INO80: variants seen among roughly 807,000 people sequenced by gnomAD.
The protein encoded by INO80 is chromatin-remodeling ATPase INO80.
A neutral mutation model predicts 203.4 loss-of-function variants in INO80; 20 were observed. That is an observed-to-expected ratio of 0.10 (90% CI 0.07 to 0.14). The LOEUF (loss-of-function observed/expected upper bound fraction) is 0.14, where lower values mean the gene tolerates loss of function less well. Among genes scored for constraint, INO80 ranks in the 10% least tolerant of loss-of-function variants. The pLI, the probability that INO80 is intolerant of heterozygous loss-of-function variation, is 1.00. For missense variants in INO80, 1,419 were observed against 1,914.4 expected (o/e 0.74, Z 4.83); for synonymous variants, 726 against 685.2 (o/e 1.06, Z -0.93).
chr15:41,091,014 T>A (rs1228416276), intron 5 of INO80, among the ~76,000 whole-genome samples: 1 of 143,382 alleles, frequency 7.0e-6, no homozygotes, highest in African/African-American at 2.7e-5. Flanking sequence ...AACCTCCACC[T>A]CCCGGGTTCA....
chr15:41,059,285 C>T (rs1325319779), intron 15 of INO80, among the ~76,000 whole-genome samples: 2 of 150,380 alleles, frequency 1.3e-5, no homozygotes, highest in African/African-American at 4.9e-5. Context: ...TTAAAGCAGT[C>T]ACATTTACCA....
chr15:41,069,529 T>C, intron 14 of INO80, 41 bp downstream of exon 14: 1 of 1,224,110 alleles, frequency 8.2e-7, no homozygotes, highest in East Asian at 2.4e-5. Flanking sequence ...AAAAAGTTTA[T>C]TTTAAAGAGC....
intron 29 of INO80, among the ~76,000 whole-genome samples, chr15:40,994,299 C>A (rs2043851735): frequency 6.6e-6 from 1 of 152,108 alleles, no homozygotes; most frequent in Non-Finnish European, 1.5e-5. Flanking sequence ...AAACAGCAAC[C>A]CCTGATCATT....
At chr15:41,106,128 T>C (rs758501451) in intron 1 of INO80, among the ~76,000 whole-genome samples, 1 of 151,972 alleles carries the variant, frequency 6.6e-6, no homozygotes, top group Non-Finnish European at 1.5e-5. Context: ...CCGCAGTGAC[T>C]CATGCCTGTA....
intron 19 of INO80, among the ~76,000 whole-genome samples, chr15:41,052,528 C>T: frequency 6.6e-6 from 1 of 151,654 alleles, no homozygotes; most frequent in East Asian, 1.9e-4. Flanking sequence ...GAAAAATTAG[C>T]CAGGTGTGGT....
intron 14 of INO80, among the ~76,000 whole-genome samples, chr15:41,068,456 G>T (rs1000810314): frequency 6.6e-6 from 1 of 152,138 alleles, no homozygotes; most frequent in African/African-American, 2.4e-5. Flanking sequence ...AGCTACTCGG[G>T]AGGCTGAGGC....
At chr15:41,097,295 C>T (rs1200111879) in intron 1 of INO80, among the ~76,000 whole-genome samples, 1 of 152,006 alleles carries the variant, frequency 6.6e-6, no homozygotes, top group Non-Finnish European at 1.5e-5. Flanking sequence ...ATCCACCCAC[C>T]TTGGCCTCCC....
chr15:41,094,636 GAATT>G (rs879767172), intron 4 of INO80, among the ~76,000 whole-genome samples: 66 of 152,210 alleles, frequency 4.3e-4, no homozygotes, highest in Admixed American at 2.6e-4. Context: ...GGAAGTTATG[GAATT>G]AATATAAATT....
intron 28 of INO80, among the ~76,000 whole-genome samples, chr15:40,998,154 TGG>T (rs1419165922): frequency 2.0e-5 from 3 of 151,554 alleles, no homozygotes; most frequent in Non-Finnish European, 2.9e-5. Context: ...CCCAAGTAGC[TGG>T]GACTATAGGC....
At chr15:41,009,695 C>A (rs1215687373) in intron 27 of INO80, among the ~76,000 whole-genome samples, 1 of 151,846 alleles carries the variant, frequency 6.6e-6, no homozygotes, top group East Asian at 1.9e-4. Context: ...TCAAATGATC[C>A]TCTCACCTCA....
At chr15:40,985,301 C>T in intron 32 of INO80, 37 bp downstream of exon 32, 1 of 1,478,228 alleles carries the variant, frequency 6.8e-7, no homozygotes, top group Non-Finnish European at 9.5e-7. Flanking sequence ...ACCCCAGGCC[C>T]CATTAGCCCC....
intron 25 of INO80, among the ~76,000 whole-genome samples, chr15:41,027,295 T>C (rs919780034): frequency 6.6e-6 from 1 of 152,170 alleles, no homozygotes; most frequent in Admixed American, 6.6e-5. Flanking sequence ...GACCCTGCTA[T>C]TGGGTGATAT....
Position 41,079,660 on chromosome 15 carries a change from G to A in INO80, c.1131+41C>T, listed in dbSNP as rs375908040. On this transcript the variant is annotated intron_variant, in intron 9 of 35. Coordinates refer to ENST00000648947, the MANE Select transcript of INO80 (RefSeq NM_017553.3). The stretch of plus-strand genomic sequence containing the variant: ...TGCAAACGAATCTCTTCAAATGGCT[G>A]TAGTAATTAGGGTTTTCAAAATGTT... 393 of 1,548,110 alleles carry A rather than the reference G, an allele frequency of 2.5e-4. 13 individuals are homozygous for A. In the East Asian group the frequency reaches 4.2e-3, roughly 17 times the overall value.
chr15:41,114,945 T>C (rs1328738869), intron 1 of INO80, among the ~76,000 whole-genome samples: 1 of 152,180 alleles, frequency 6.6e-6, no homozygotes, highest in Non-Finnish European at 1.5e-5. Context: ...TAAATAGTGG[T>C]TGATGGCTAC....
At chr15:41,058,310 A>G (rs975658090) in intron 16 of INO80, among the ~76,000 whole-genome samples, 2 of 152,052 alleles carry the variant, frequency 1.3e-5, no homozygotes, top group African/African-American at 4.8e-5. Context: ...AAAAAAGGGA[A>G]TTTTTGCCTT....
chr15:41,055,194 G>T (rs1328350511), intron 18 of INO80, 53 bp downstream of exon 18: 2 of 860,324 alleles, frequency 2.3e-6, no homozygotes, highest in Non-Finnish European at 3.6e-6. Flanking sequence ...ATGCAATTAC[G>T]TGGTTGCCTA....
intron 14 of INO80, among the ~76,000 whole-genome samples, chr15:41,062,278 A>C (rs1016139897): frequency 6.6e-6 from 1 of 152,126 alleles, no homozygotes; most frequent in African/African-American, 2.4e-5. Context: ...TAAGTCAAGA[A>C]GGCAAGTTTT....
intron 5 of INO80, among the ~76,000 whole-genome samples, chr15:41,090,889 G>T (rs1445619852): frequency 6.9e-6 from 1 of 145,630 alleles, no homozygotes; most frequent in Non-Finnish European, 1.5e-5. Context: ...AGTATTAGTA[G>T]TTTAATTTCA....
chr15:40,982,031 C>G (rs1201920481), intron 35 of INO80, among the ~76,000 whole-genome samples: 1 of 152,246 alleles, frequency 6.6e-6, no homozygotes, highest in East Asian at 1.9e-4. Context: ...CTGTGGCTGC[C>G]TTCTTTTCAT....
Sources: gnomAD v4.1 joint callset for allele counts (sites outside exome capture counted in the v4.1 genomes callset) on GRCh38, gnomAD v4.1.1 for gene constraint, MANE v1.5 for transcripts, NCBI Gene and HGNC (gene_info 2026-07-23, HGNC 2026-07-21) for gene names.